Variants in DENND1B observed in about 807,000 individuals in gnomAD.
DENND1B encodes DENN domain containing 1B.
In DENND1B, 59 loss-of-function variants were observed where a neutral mutation model predicts 90.1. That is an observed-to-expected ratio of 0.65 (90% CI 0.53 to 0.81). The LOEUF (loss-of-function observed/expected upper bound fraction) is 0.81, where lower values mean the gene tolerates loss of function less well. Among genes scored for constraint, DENND1B ranks in the 40% least tolerant of loss-of-function variants. The probability of loss-of-function intolerance (pLI) is 0.00; values close to 1 mark genes in which losing one functional copy is unlikely to be tolerated. For missense variants in DENND1B, 862 were observed against 912.6 expected (o/e 0.94, Z 0.71); for synonymous variants, 337 against 324.6 (o/e 1.04, Z -0.41).
At chr1:197,664,016 C>A in intron 5 of DENND1B, among the ~76,000 whole-genome samples, 1 of 151,724 alleles carries the variant, frequency 6.6e-6, no homozygotes, top group African/African-American at 2.4e-5. Flanking sequence ...CACATACACA[C>A]ACACACACAC....
chr1:197,575,433 C>T (rs1673583836), intron 15 of DENND1B, among the ~76,000 whole-genome samples: 1 of 152,138 alleles, frequency 6.6e-6, no homozygotes, highest in African/African-American at 2.4e-5. Flanking sequence ...TAAGAAACAA[C>T]AGATGCTGGA....
chr1:197,716,482 A>G (rs1175681357), intron 2 of DENND1B, among the ~76,000 whole-genome samples: 1 of 151,756 alleles, frequency 6.6e-6, no homozygotes, highest in South Asian at 2.1e-4. Flanking sequence ...CACATCACCT[A>G]AAAACACTCA....
At chr1:197,672,013 A>G (rs202182203) in intron 5 of DENND1B, 24 bp downstream of exon 5, 58 of 1,598,686 alleles carry the variant, frequency 3.6e-5, no homozygotes, top group South Asian at 3.3e-4. Flanking sequence ...TTTGCATCTA[A>G]TTTTTTTTAC....
intron 12 of DENND1B, among the ~76,000 whole-genome samples, chr1:197,609,903 G>T (rs1161522529): frequency 6.6e-6 from 1 of 150,540 alleles, no homozygotes; most frequent in African/African-American, 2.4e-5. Flanking sequence ...GTAAATAGCT[G>T]TATCAATATT....
intron 16 of DENND1B, among the ~76,000 whole-genome samples, chr1:197,550,676 G>A (rs10922250): frequency 1.3e-5 from 2 of 149,852 alleles, no homozygotes; most frequent in South Asian, 2.1e-4. Context: ...GTGAGGGGGG[G>A]GGGGAGGGAT....
rs76010531 is a variant in DENND1B at position 197,736,760 on chromosome 1, T to G, written c.83-21686A>C. Among the ~76,000 whole-genome samples the G allele has an allele frequency of 9.1e-3, 1,393 of 152,348 alleles. 20 individuals carry two copies. The highest frequency in any genetic ancestry group is 0.031 in the African/African-American group (1,274 of 41,574). ...AAATGCCCATACTGCATTCCTGTTG[T>G]ACTGGAATGTCTATTCATTAGCCCC... On this transcript the variant is annotated intron_variant, in intron 2 of 22. Coordinates refer to ENST00000620048, the MANE Select transcript of DENND1B (RefSeq NM_001195215.2).
Position 197,713,784 on chromosome 1 carries a change from ATTATAATAT to A in DENND1B, c.126+1238_126+1246del, listed in dbSNP as rs1269265379. Among the ~76,000 whole-genome samples, 8 of 12,164 alleles carry A rather than the reference ATTATAATAT, an allele frequency of 6.6e-4. No individual in the cohort carries two copies. In the East Asian group the frequency reaches 0.014, roughly 22 times the overall value. The allele number at this position is 12,164 out of a possible 152,430, so 8.0% of individuals were successfully genotyped here. A position where few individuals can be genotyped will look rare whatever the true frequency, so the allele number is the denominator to read the frequency against. The stretch of plus-strand genomic sequence containing the variant: ...TAATTATATTATATTATTATATTAT[ATTATAATAT>A]TATTATATTATAATATATTATATAT... On this transcript the variant is annotated intron_variant, in intron 3 of 22. Coordinates refer to ENST00000620048, the MANE Select transcript of DENND1B (RefSeq NM_001195215.2).
At chr1:197,751,887 GGGAGGA>G (rs757790259) in intron 2 of DENND1B, among the ~76,000 whole-genome samples, 4 of 146,042 alleles carry the variant, frequency 2.7e-5, no homozygotes, top group Admixed American at 6.8e-5. Context: ...AGGAGGAGGA[GGGAGGA>G]GGAGGAGGAG....
At chr1:197,554,832 C>CA (rs11440581) in intron 15 of DENND1B, among the ~76,000 whole-genome samples, 62,163 of 69,522 alleles carry the variant, frequency 0.89, 28,011 homozygotes, top group South Asian at 0.96. Context: ...GACTCCATCT[C>CA]AAAAAAAAAA....
At chr1:197,579,846 C>T (rs1367197389) in intron 15 of DENND1B, among the ~76,000 whole-genome samples, 1 of 152,140 alleles carries the variant, frequency 6.6e-6, no homozygotes, top group African/African-American at 2.4e-5. Context: ...GCTTCCTTAA[C>T]AGAAGTTTAT....
rs192157819 is a variant in DENND1B at position 197,682,203 on chromosome 1, T to C, written c.127-8034A>G. ...TTCTTATATTCTGGCGTCAGTGGCA[T>C]ATTATTAATTATTTATTTAAGCCTT... On this transcript the variant is annotated intron_variant, in intron 3 of 22. Transcript: ENST00000620048. Among the ~76,000 whole-genome samples, 3 of 152,196 alleles carry C rather than the reference T, an allele frequency of 2.0e-5. No homozygotes were observed. In the East Asian group the frequency reaches 5.8e-4, roughly 29 times the overall value.
intron 2 of DENND1B, among the ~76,000 whole-genome samples, chr1:197,754,203 G>A (rs1260120225): frequency 2.0e-5 from 3 of 152,002 alleles, no homozygotes; most frequent in Non-Finnish European, 2.9e-5. Flanking sequence ...GTATTGTGGA[G>A]AACTGTGGTA....
chr1:197,571,935 A>G (rs1468595098), intron 15 of DENND1B, among the ~76,000 whole-genome samples: 3 of 152,154 alleles, frequency 2.0e-5, no homozygotes, highest in African/African-American at 7.2e-5. Context: ...AAAAATCTAA[A>G]GGAGGGATCA....
At position 197,741,797 on chromosome 1, in the gene DENND1B, C is replaced by T. The variant is rs139739591; in HGVS notation, c.83-26723G>A. Among the ~76,000 whole-genome samples the T allele has an allele frequency of 4.1e-4, 63 of 152,098 alleles. 2 individuals are homozygous for T. In the South Asian group the frequency reaches 0.012, roughly 29 times the overall value. On this transcript the variant is annotated intron_variant, in intron 2 of 22. Transcript: ENST00000620048. ...AAAGAAAAAAAAGAACTAAAATAAA[C>T]GTGGCAACCCACACCTATGGTATGC...
intron 3 of DENND1B, among the ~76,000 whole-genome samples, chr1:197,707,328 G>A (rs1053707813): frequency 6.6e-6 from 1 of 151,994 alleles, no homozygotes; most frequent in African/African-American, 2.4e-5. Flanking sequence ...AGATAGATAG[G>A]AGGAATGGTG....
chr1:197,696,903 A>G (rs532431311), intron 3 of DENND1B, among the ~76,000 whole-genome samples: 3 of 151,476 alleles, frequency 2.0e-5, no homozygotes, highest in South Asian at 2.1e-4. Flanking sequence ...CAAAAAAAAA[A>G]AAAATGAAAA....
At chr1:197,778,749 C>T (rs997413994), upstream of DENND1B, among the ~76,000 whole-genome samples, 26 of 150,846 alleles carry the variant, frequency 1.7e-4, no homozygotes, top group African/African-American at 6.1e-4. Flanking sequence ...TAATTTTGTA[C>T]TTCCCGTTTG....
intron 10 of DENND1B, among the ~76,000 whole-genome samples, chr1:197,633,214 T>C (rs1327726543): frequency 6.6e-6 from 1 of 152,216 alleles, no homozygotes; most frequent in African/African-American, 2.4e-5. Flanking sequence ...TAAAAAATGA[T>C]AGTTGTATGT....
In DENND1B at chr1:197,702,845, T is replaced by C. The variant is rs1489387728; in HGVS notation, c.126+12186A>G. ...GACATTAGTTACTTAGATTAAAAGT[T>C]GTAATTATAATACTATGAGTGTTTA... On this transcript the variant is annotated intron_variant, in intron 3 of 22. Transcript: ENST00000620048. Among the ~76,000 whole-genome samples the C allele has an allele frequency of 2.0e-5, 3 of 152,332 alleles. No individual in the cohort carries two copies. In the East Asian group the frequency reaches 5.8e-4, roughly 29 times the overall value.
Sources: allele counts gnomAD v4.1 joint callset (sites outside exome capture counted in the v4.1 genomes callset), GRCh38; gene constraint gnomAD v4.1.1; transcripts MANE v1.5; gene names NCBI Gene and HGNC (gene_info 2026-07-23, HGNC 2026-07-21).